The following DNAH12 variants were observed in gnomAD, a reference collection of about 807,000 sequenced individuals.
DNAH12 encodes the protein dynein axonemal heavy chain 12.
In DNAH12, 285 loss-of-function variants were observed where a neutral mutation model predicts 371.5. The ratio of observed to expected loss-of-function variants is 0.77; its 90% CI spans 0.70 to 0.85. DNAH12 has a LOEUF of 0.85. Ranked by LOEUF, DNAH12 falls within the 40% of genes least tolerant of loss-of-function variation. The probability of loss-of-function intolerance (pLI) is 0.00; values close to 1 mark genes in which losing one functional copy is unlikely to be tolerated. For synonymous variants in DNAH12, 1,200 were observed against 1,213.0 expected (o/e 0.99, Z 0.22); for missense variants, 3,611 against 3,689.4 (o/e 0.98, Z 0.55).
intron 4 of DNAH12, among the ~76,000 whole-genome samples, chr3:57,514,090 T>C (rs1407040379): frequency 6.6e-6 from 1 of 152,118 alleles, no homozygotes; most frequent in Admixed American, 6.6e-5. Flanking sequence ...TAGGATACAT[T>C]ATTAAGTTAA....
chr3:57,317,281 C>A (rs1253567964), intron 65 of DNAH12, among the ~76,000 whole-genome samples: 2 of 152,120 alleles, frequency 1.3e-5, no homozygotes, highest in Non-Finnish European at 2.9e-5. Context: ...ATGTACAATA[C>A]AGTATTGTTA....
At chr3:57,423,218 A>G (rs2064648159) in intron 35 of DNAH12, among the ~76,000 whole-genome samples, 1 of 152,180 alleles carries the variant, frequency 6.6e-6, no homozygotes, top group Admixed American at 6.5e-5. Context: ...ATTCTGAACC[A>G]CTTGAAAGGT....
chr3:57,302,909 A>C (rs548726319), intron 69 of DNAH12, among the ~76,000 whole-genome samples: 1 of 151,972 alleles, frequency 6.6e-6, no homozygotes, highest in South Asian at 2.1e-4. Context: ...ATGTGACTAC[A>C]CATAGGTCTA....
At chr3:57,408,216 A>T in intron 40 of DNAH12, 64 bp downstream of exon 40, 1 of 1,431,002 alleles carries the variant, frequency 7.0e-7, no homozygotes. Flanking sequence ...TCAAAAAAAT[A>T]AAATAAGCGC....
chr3:57,513,227 T>C (rs2068064285), intron 4 of DNAH12, among the ~76,000 whole-genome samples: 2 of 151,950 alleles, frequency 1.3e-5, no homozygotes, highest in East Asian at 3.9e-4. Flanking sequence ...GGGACATAGA[T>C]GAAGCTGGAA....
At chr3:57,322,934 C>G in intron 64 of DNAH12, 73 bp downstream of exon 64, 2 of 1,493,222 alleles carry the variant, frequency 1.3e-6, no homozygotes, top group South Asian at 1.4e-5. Context: ...CGTCTCAAAA[C>G]AAACAAACAA....
At chr3:57,538,635 C>G (rs2153402476) in intron 2 of DNAH12, among the ~76,000 whole-genome samples, 1 of 152,336 alleles carries the variant, frequency 6.6e-6, no homozygotes, top group East Asian at 1.9e-4. Context: ...TATACTTACA[C>G]TACCTGCTGG....
rs112668600 is a variant in DNAH12 at position 57,305,224 on chromosome 3, C to T, written c.11190-3285G>A. Among the ~76,000 whole-genome samples, 898 of 152,116 alleles carry T rather than the reference C, an allele frequency of 5.9e-3. 10 individuals carry two copies. Among genetic ancestry groups the T allele is most frequent in the African/African-American group, 0.021 (869 of 41,492 alleles). ...CCCTCCCTAGTCTCTGTTCCCGATG[C>T]GACTCATCCCAAACCCTCCTTCTTT... is the stretch of plus-strand genomic sequence containing the variant. On this transcript the variant is annotated intron_variant, in intron 69 of 73. Coordinates refer to ENST00000495027, the MANE Select transcript of DNAH12 (RefSeq NM_001366028.2).
In DNAH12 at chr3:57,304,120, A is replaced by T. The variant is rs2061420372; in HGVS notation, c.11190-2181T>A. ...ACTGTAATTTTCCTTTACCTACCCA[A>T]ATCTTATAAAACGGCCCCACCCCAT... On this transcript the variant is annotated intron_variant, in intron 69 of 73. Transcript: ENST00000495027. 3.4e-5 allele frequency among the ~76,000 whole-genome samples: 5 copies of T among 146,796 alleles called. No individual in the cohort carries two copies. The South Asian group carries it at 1.1e-3, about 33-fold the overall frequency.
the DNAH12 span, among the ~76,000 whole-genome samples, chr3:57,551,397 T>C: frequency 6.6e-6 from 1 of 151,580 alleles, no homozygotes; most frequent in Non-Finnish European, 1.5e-5. Context: ...TCAGCCTCCC[T>C]AGTAGCTGGG....
At position 57,427,138 on chromosome 3, in the gene DNAH12, A is replaced by ATGTGATGTGTGTGTGTG. The variant is rs564544771; in HGVS notation, c.5253+1494_5253+1495insCACACACACACATCACA. Reference sequence around the variant, plus strand: ...ATATTTATTTATATGTAAGAAGCGAATGTGTGTGTGTGTGTGTGTGTGTGT... The same window carrying ATGTGATGTGTGTGTGTG: ...ATATTTATTTATATGTAAGAAGCGAATGTGATGTGTGTGTGTGTGTGTGTGTGTGTGTGTGTGTGTGT... On this transcript the variant is annotated intron_variant, in intron 34 of 73. Transcript: ENST00000495027. Among the ~76,000 whole-genome samples, 459 of 138,860 alleles carry ATGTGATGTGTGTGTGTG rather than the reference A, an allele frequency of 3.3e-3. 6 individuals carry two copies. The highest frequency in any genetic ancestry group is 0.012 in the African/African-American group (446 of 36,014). 91.1% of individuals were successfully genotyped at this position (138,860 alleles called of 152,430 possible).
intron 43 of DNAH12, among the ~76,000 whole-genome samples, chr3:57,395,109 T>C (rs1254414054): frequency 1.3e-5 from 2 of 151,550 alleles, no homozygotes. Context: ...TATGTTACTA[T>C]TATCTATGCT....
intron 59 of DNAH12, among the ~76,000 whole-genome samples, chr3:57,355,797 G>A (rs1245501767): frequency 1.3e-5 from 2 of 151,786 alleles, no homozygotes; most frequent in African/African-American, 4.8e-5. Flanking sequence ...ACTCAGCAGA[G>A]GTTATTCTAC....
intron 60 of DNAH12, among the ~76,000 whole-genome samples, chr3:57,343,870 A>G (rs1200116415): frequency 6.6e-6 from 1 of 152,152 alleles, no homozygotes; most frequent in Non-Finnish European, 1.5e-5. Context: ...GGTGGAGAAA[A>G]ACATAAATCT....
chr3:57,387,915 A>T (rs2153345875), intron 45 of DNAH12, among the ~76,000 whole-genome samples: 1 of 152,274 alleles, frequency 6.6e-6, no homozygotes, highest in African/African-American at 2.4e-5. Context: ...AAGCCACAAA[A>T]GCCCCACTCT....
At chr3:57,403,265 T>C in intron 43 of DNAH12, 44 bp downstream of exon 43, 2 of 1,502,250 alleles carry the variant, frequency 1.3e-6, no homozygotes, top group Non-Finnish European at 8.9e-7. Flanking sequence ...AGTAAAAGAA[T>C]ATACTGTTTT....
chr3:57,422,620 T>G (rs931656764), intron 35 of DNAH12, among the ~76,000 whole-genome samples: 5 of 152,296 alleles, frequency 3.3e-5, no homozygotes, highest in Non-Finnish European at 5.9e-5. Flanking sequence ...CTGGGCAACA[T>G]AGTAAGACCC....
At chr3:57,348,352 GA>G (rs2062593270) in intron 60 of DNAH12, among the ~76,000 whole-genome samples, 1 of 152,198 alleles carries the variant, frequency 6.6e-6, no homozygotes, top group African/African-American at 2.4e-5. Flanking sequence ...TGGCAGGGTT[GA>G]GGGGAGGGAG....
At position 57,323,076 on chromosome 3, in the gene DNAH12, A is replaced by C; in HGVS notation, c.10314T>G (p.Cys3438Trp). The C allele has an allele frequency of 6.4e-7, 1 of 1,552,444 alleles. No individual in the cohort carries two copies. Among genetic ancestry groups the C allele is most frequent in the Non-Finnish European group, 8.7e-7 (1 of 1,147,162 alleles). ...TACAGGTTTCAGAGGTAAAATCTTCACATATTTTTTCCAACATGGGCATCC... is the reference window on the plus strand; with the variant it reads ...TACAGGTTTCAGAGGTAAAATCTTCCCATATTTTTTCCAACATGGGCATCC... ...VSWMPMLEKI[C>W]EDFTSETCNS... Residue 3438 changes from cysteine (C) to tryptophan (W), a missense_variant, in exon 64 of 74, where the codon TGT becomes TGG. This residue lies in a region of DNAH12 where 2,266 missense variants were observed against 2,236.9 expected (regional missense o/e 1.01). Coordinates refer to ENST00000495027, the MANE Select transcript of DNAH12 (RefSeq NM_001366028.2).
Sources: allele counts gnomAD v4.1 joint callset (sites outside exome capture counted in the v4.1 genomes callset), GRCh38; gene constraint gnomAD v4.1.1; regional missense constraint gnomAD v4.1.1; transcripts MANE v1.5; gene names NCBI Gene and HGNC (gene_info 2026-07-23, HGNC 2026-07-21).